PBX1: variants seen among roughly 807,000 people sequenced by gnomAD.
The protein encoded by PBX1 is PBX homeobox 1.
In PBX1, 6 loss-of-function variants were observed where a neutral mutation model predicts 53.4. That is an observed-to-expected ratio of 0.11 (90% CI 0.06 to 0.22). The LOEUF is 0.22. Among genes scored for constraint, PBX1 ranks in the 10% least tolerant of loss-of-function variants. The probability of loss-of-function intolerance (pLI) is 1.00; values close to 1 mark genes in which losing one functional copy is unlikely to be tolerated. For synonymous variants in PBX1, 204 were observed against 212.3 expected (o/e 0.96, Z 0.34); for missense variants, 251 against 551.4 (o/e 0.46, Z 5.46).
At chr1:164,609,416 A>T (rs1656763110) in intron 2 of PBX1, among the ~76,000 whole-genome samples, 1 of 152,136 alleles carries the variant, frequency 6.6e-6, no homozygotes, top group Admixed American at 6.5e-5. Flanking sequence ...GAGGGGATAG[A>T]TGGCATGGCA....
At chr1:164,866,413 A>G (rs1033989555) in intron 2 of PBX1, among the ~76,000 whole-genome samples, 1 of 152,238 alleles carries the variant, frequency 6.6e-6, no homozygotes, top group African/African-American at 2.4e-5. Flanking sequence ...AGCACAGGAA[A>G]TGTCACCAGA....
chr1:164,721,075 A>G (rs957712401), intron 2 of PBX1, among the ~76,000 whole-genome samples: 4 of 152,206 alleles, frequency 2.6e-5, no homozygotes, highest in Non-Finnish European at 5.9e-5. Context: ...GCAAGCAAGG[A>G]TAAGTGTACG....
chr1:164,812,277 A>C, intron 6 of PBX1, 128 bp downstream of exon 6: 1 of 911,100 alleles, frequency 1.1e-6, no homozygotes, highest in Admixed American at 3.4e-5. Flanking sequence ...ATTTGATTGT[A>C]TTTTTGGATG....
At chr1:164,566,674 T>A (rs1444580780) in intron 2 of PBX1, among the ~76,000 whole-genome samples, 1 of 152,190 alleles carries the variant, frequency 6.6e-6, no homozygotes, top group Non-Finnish European at 1.5e-5. Flanking sequence ...CTTGAATATA[T>A]TTTTAAACAT....
intron 2 of PBX1, among the ~76,000 whole-genome samples, chr1:164,708,598 C>T (rs1663581996): frequency 1.3e-5 from 2 of 152,076 alleles, no homozygotes; most frequent in Admixed American, 6.5e-5. Flanking sequence ...GCCATCTTTA[C>T]GTTCATGTAT....
intron 2 of PBX1, among the ~76,000 whole-genome samples, chr1:164,783,143 T>A (rs1668012770): frequency 6.6e-6 from 1 of 152,158 alleles, no homozygotes; most frequent in Non-Finnish European, 1.5e-5. Flanking sequence ...TGGTGTCGCC[T>A]CTGGCTCAGG....
chr1:164,611,825 C>T (rs1427344690), intron 2 of PBX1, among the ~76,000 whole-genome samples: 1 of 152,022 alleles, frequency 6.6e-6, no homozygotes, highest in Non-Finnish European at 1.5e-5. Flanking sequence ...GGAGTGAGGA[C>T]CTGCTCTGTG....
intron 2 of PBX1, among the ~76,000 whole-genome samples, chr1:164,608,762 A>G (rs1282898782): frequency 6.6e-6 from 1 of 152,168 alleles, no homozygotes; most frequent in Admixed American, 6.5e-5. Flanking sequence ...AGAGCTGGAC[A>G]CCTTGTGATT....
chr1:164,795,504 T>C (rs1571422377), intron 3 of PBX1, among the ~76,000 whole-genome samples: 1 of 152,340 alleles, frequency 6.6e-6, no homozygotes, highest in Admixed American at 6.5e-5. Flanking sequence ...AAGCAAATTA[T>C]GTTCAGTGTA....
At chr1:164,834,694 G>A (rs1571499217) in intron 8 of PBX1, among the ~76,000 whole-genome samples, 1 of 152,138 alleles carries the variant, frequency 6.6e-6, no homozygotes, top group Non-Finnish European at 1.5e-5. Flanking sequence ...ACTCTTCACA[G>A]GTTATTGTTG....
intron 2 of PBX1, among the ~76,000 whole-genome samples, chr1:164,761,253 C>A (rs1206958062): frequency 1.3e-5 from 2 of 152,180 alleles, no homozygotes; most frequent in Non-Finnish European, 2.9e-5. Context: ...AAAAATAGAA[C>A]ACACATGTAG....
In PBX1 at chr1:164,850,118, G is replaced by A. The variant is rs545278031; in HGVS notation, c.*3442G>A. 5 of 226,678 alleles carry A rather than the reference G, an allele frequency of 2.2e-5. No individual in the cohort carries two copies. Among genetic ancestry groups the A allele is most frequent in the Non-Finnish European group, 4.4e-5 (5 of 114,192 alleles). The allele number at this position is 226,678 out of a possible 1,614,324, so 14.0% of individuals were successfully genotyped here. A position where few individuals can be genotyped will look rare whatever the true frequency, so the allele number is the denominator to read the frequency against. On this transcript the variant is annotated 3_prime_UTR_variant, in exon 9 of 9. Coordinates refer to ENST00000420696, the MANE Select transcript of PBX1 (RefSeq NM_002585.4). The stretch of plus-strand genomic sequence containing the variant: ...ATTTTAAAAATGACCCTCATAGCAC[G>A]CAAAACAGGATGGGGAATTTCCCCT...
chr1:164,722,265 C>T (rs1664454683), intron 2 of PBX1, among the ~76,000 whole-genome samples: 1 of 152,056 alleles, frequency 6.6e-6, no homozygotes. Context: ...TTTTTTAATC[C>T]CTGCTGCCTC....
intron 5 of PBX1, 58 bp downstream of exon 5, chr1:164,807,735 C>A: frequency 1.3e-6 from 2 of 1,594,888 alleles, no homozygotes; most frequent in Non-Finnish European, 1.7e-6. Context: ...GCCTCCGGGG[C>A]AGGCTCTTAG....
intron 2 of PBX1, among the ~76,000 whole-genome samples, chr1:164,664,604 C>A (rs567075945): frequency 6.6e-6 from 1 of 152,150 alleles, no homozygotes; most frequent in Non-Finnish European, 1.5e-5. Context: ...TTATTCTGGT[C>A]GTGATGGTAT....
intron 6 of PBX1, chr1:164,819,475 G>T (rs1345118390): frequency 6.6e-6 from 1 of 152,122 alleles, no homozygotes; most frequent in East Asian, 1.9e-4. Context: ...TTGGGCTGTT[G>T]CCACCCTGCA....
chr1:164,868,407 G>A (rs751586692), intron 2 of PBX1, among the ~76,000 whole-genome samples: 2 of 152,180 alleles, frequency 1.3e-5, no homozygotes, highest in East Asian at 1.9e-4. Context: ...CCTGCTCTGC[G>A]TTGGTGTTTG....
chr1:164,787,458 C>A (rs961769354), intron 2 of PBX1, among the ~76,000 whole-genome samples: 1 of 152,090 alleles, frequency 6.6e-6, no homozygotes, highest in African/African-American at 2.4e-5. Flanking sequence ...ACTGTCCGCC[C>A]GCCTGGAGAA....
At chr1:164,885,800 C>A (rs1186142343) in intron 2 of PBX1, among the ~76,000 whole-genome samples, 1 of 151,850 alleles carries the variant, frequency 6.6e-6, no homozygotes, top group Non-Finnish European at 1.5e-5. Flanking sequence ...TTTGTGAGAA[C>A]TTTCTTGAAC....
Sources: gnomAD v4.1 joint callset for allele counts (sites outside exome capture counted in the v4.1 genomes callset) on GRCh38, gnomAD v4.1.1 for gene constraint, MANE v1.5 for transcripts, NCBI Gene and HGNC (gene_info 2026-07-23, HGNC 2026-07-21) for gene names.